The following FBXL17 variants were observed in gnomAD, a reference collection of about 807,000 sequenced individuals.
FBXL17 encodes F-box/LRR-repeat protein 17.
A neutral mutation model predicts 66.2 loss-of-function variants in FBXL17; 22 were observed. The ratio of observed to expected loss-of-function variants is 0.33; its 90% confidence interval spans 0.24 to 0.47. The LOEUF is 0.47. FBXL17 is among the 20% of genes least tolerant of loss of function. The probability of loss-of-function intolerance (pLI) is 1.00; values close to 1 mark genes in which losing one functional copy is unlikely to be tolerated. For missense variants in FBXL17, 878 were observed against 948.2 expected (o/e 0.93, Z 0.97); for synonymous variants, 474 against 400.5 (o/e 1.18, Z -2.19).
At chr5:108,100,639 T>A (rs1180339895) in intron 6 of FBXL17, among the ~76,000 whole-genome samples, 4 of 152,330 alleles carry the variant, frequency 2.6e-5, no homozygotes, top group East Asian at 1.9e-4. Flanking sequence ...AGGAGACTCT[T>A]CTTGATAATT....
chr5:108,299,844 A>G (rs1758507791), intron 4 of FBXL17: 3 of 984,776 alleles, frequency 3.0e-6, no homozygotes, highest in South Asian at 9.4e-5. Context: ...GAATCTGAAA[A>G]AAAGGGTAGA....
chr5:108,228,181 T>C (rs934344615), intron 4 of FBXL17, among the ~76,000 whole-genome samples: 1 of 152,122 alleles, frequency 6.6e-6, no homozygotes, highest in African/African-American at 2.4e-5. Context: ...CAAGACAAGA[T>C]TGTGTCATGG....
At chr5:108,218,663 A>G (rs1486560323) in intron 5 of FBXL17, among the ~76,000 whole-genome samples, 4 of 150,768 alleles carry the variant, frequency 2.7e-5, no homozygotes, top group African/African-American at 9.7e-5. Context: ...TTTAATTTGC[A>G]TTTCTCTGAT....
At chr5:108,104,233 C>CAA in intron 6 of FBXL17, among the ~76,000 whole-genome samples, 1 of 152,302 alleles carries the variant, frequency 6.6e-6, no homozygotes, top group Middle Eastern at 3.4e-3. Context: ...AACAGGGTTT[C>CAA]ACCATGTTGG....
intron 7 of FBXL17, among the ~76,000 whole-genome samples, chr5:107,924,049 A>G (rs996036433): frequency 2.1e-5 from 3 of 141,318 alleles, no homozygotes; most frequent in African/African-American, 5.3e-5. Flanking sequence ...GAAGTGGCAT[A>G]TGAGCTTAGT....
chr5:108,103,434 T>C (rs1301853671), intron 6 of FBXL17, among the ~76,000 whole-genome samples: 2 of 152,240 alleles, frequency 1.3e-5, no homozygotes, highest in Non-Finnish European at 2.9e-5. Flanking sequence ...ATTTATTTGC[T>C]ACTGTTAAAA....
chr5:108,369,709 A>G (rs1748905304), intron 1 of FBXL17, among the ~76,000 whole-genome samples: 1 of 152,040 alleles, frequency 6.6e-6, no homozygotes, highest in South Asian at 2.1e-4. Context: ...ATGAAGGCCA[A>G]TACAAATCTT....
intron 1 of FBXL17, among the ~76,000 whole-genome samples, chr5:108,376,187 G>A (rs886499123): frequency 2.6e-5 from 4 of 152,142 alleles, no homozygotes; most frequent in Non-Finnish European, 2.9e-5. Context: ...AATGGTAAAA[G>A]TCTAAAAGTT....
chr5:107,948,616 C>T lies in FBXL17; in HGVS notation c.1823-67437G>A, dbSNP rs58419924. On this transcript the variant is annotated intron_variant, in intron 7 of 8. Transcript: ENST00000542267. ...CAAATCCATAAACCTGGCTGTGCCA[C>T]TCCCCAGGGAACCCTTCAATGTCAT... 2.5e-3 allele frequency among the ~76,000 whole-genome samples: 387 copies of T among 152,340 alleles called. 3 individuals are homozygous for T. The highest frequency in any genetic ancestry group is 9.0e-3 in the African/African-American group (374 of 41,582).
intron 6 of FBXL17, among the ~76,000 whole-genome samples, chr5:108,108,930 T>C (rs924496355): frequency 4.6e-5 from 7 of 151,832 alleles, no homozygotes; most frequent in African/African-American, 1.5e-4. Flanking sequence ...ATTACAGGCA[T>C]GCACCATCAC....
intron 7 of FBXL17, among the ~76,000 whole-genome samples, chr5:107,881,907 C>T (rs1409262216): frequency 1.3e-5 from 2 of 152,204 alleles, no homozygotes; most frequent in Non-Finnish European, 2.9e-5. Context: ...TGTACCACCA[C>T]TAAAGTGCAG....
At chr5:107,994,565 C>T (rs1289269983) in intron 7 of FBXL17, among the ~76,000 whole-genome samples, 1 of 152,114 alleles carries the variant, frequency 6.6e-6, no homozygotes, top group East Asian at 1.9e-4. Flanking sequence ...CAAGGCTGGG[C>T]ACGGTGGCTC....
At chr5:108,298,328 G>A in intron 4 of FBXL17, 1 of 984,122 alleles carries the variant, frequency 1.0e-6, no homozygotes, top group African/African-American at 1.7e-5. Flanking sequence ...AAAGCACTGA[G>A]AAAAATCGTT....
In FBXL17 at chr5:108,381,624, C is replaced by T; in HGVS notation, c.68G>A (p.Trp23Ter). Reference sequence around the variant, plus strand: ...GAGGAGAGGGCGCCGGCGGCGGCACCAACTGCAACAGCGAGGCCTCTTCTG... The same window carrying T: ...GAGGAGAGGGCGCCGGCGGCGGCACTAACTGCAACAGCGAGGCCTCTTCTG... ...PSQKRPRCCS[W>*]CRRRRPLLRL... The change falls in exon 1 of 9, where the codon TGG becomes TAG. Residue 23 changes from tryptophan to a stop codon, truncating the protein, a stop_gained. Transcript: ENST00000542267. LOFTEE classifies it high-confidence loss of function. 1.3e-6 allele frequency: 2 copies of T among 1,492,932 alleles called. No homozygotes were observed. The highest frequency in any genetic ancestry group is 1.8e-6 in the Non-Finnish European group (2 of 1,126,204). 92.5% of individuals were successfully genotyped at this position (1,492,932 alleles called of 1,614,324 possible). A position where few individuals can be genotyped will look rare whatever the true frequency, so the allele number is the denominator to read the frequency against.
chr5:108,263,101 T>C (rs1756904129), intron 4 of FBXL17, among the ~76,000 whole-genome samples: 1 of 152,114 alleles, frequency 6.6e-6, no homozygotes, highest in South Asian at 2.1e-4. Flanking sequence ...TATAACCAAT[T>C]AATTGAGAAT....
intron 7 of FBXL17, among the ~76,000 whole-genome samples, chr5:107,882,651 C>T (rs763564934): frequency 2.0e-5 from 3 of 152,178 alleles, no homozygotes; most frequent in Non-Finnish European, 4.4e-5. Context: ...GAAGGAGCAA[C>T]ATCCCAGGTT....
At chr5:108,215,679 G>A (rs1348799560) in intron 5 of FBXL17, among the ~76,000 whole-genome samples, 1 of 152,098 alleles carries the variant, frequency 6.6e-6, no homozygotes, top group Admixed American at 6.5e-5. Context: ...TTTCTTGAGA[G>A]TATCCTTTGA....
chr5:108,049,201 G>A lies in FBXL17; in HGVS notation c.1746-28200C>T, dbSNP rs140915101. ...ACTCTTGCCCAGGCTGGAGTGCAGCGGCGAGATCTCGACTCACTGCAACCT... is the reference window on the plus strand; with the variant it reads ...ACTCTTGCCCAGGCTGGAGTGCAGCAGCGAGATCTCGACTCACTGCAACCT... On this transcript the variant is annotated intron_variant, in intron 6 of 8. Coordinates refer to ENST00000542267, the MANE Select transcript of FBXL17 (RefSeq NM_001163315.3). 4.6e-3 allele frequency among the ~76,000 whole-genome samples: 702 copies of A among 151,856 alleles called. 5 individuals are homozygous for A. Among genetic ancestry groups the A allele is most frequent in the African/African-American group, 0.016 (674 of 41,410 alleles).
chr5:108,164,739 C>T lies in FBXL17; in HGVS notation c.1745+21378G>A, dbSNP rs567390824. Among the ~76,000 whole-genome samples the T allele has an allele frequency of 2.6e-5, 4 of 152,258 alleles. No homozygotes were observed. The South Asian group carries it at 8.3e-4, about 32-fold the overall frequency. On this transcript the variant is annotated intron_variant, in intron 6 of 8. Transcript: ENST00000542267. ...ATGAAGTAAGTACTACTGCTGTCTC[C>T]ATTTTACAGATGAGAAACAGGGAAG...
Sources: gnomAD v4.1 joint callset for allele counts (sites outside exome capture counted in the v4.1 genomes callset) on GRCh38, gnomAD v4.1.1 for gene constraint, MANE v1.5 for transcripts, NCBI Gene and HGNC (gene_info 2026-07-23, HGNC 2026-07-21) for gene names.